The following CASTOR2 variants were observed in gnomAD, a reference collection of about 807,000 sequenced individuals.
CASTOR2 encodes the protein GATS protein like 2.
CASTOR2 carries 8 observed loss-of-function variants against 31.2 expected under a neutral mutation model. The ratio of observed to expected loss-of-function variants is 0.26; its 90% confidence interval spans 0.15 to 0.46. The LOEUF (loss-of-function observed/expected upper bound fraction) is 0.46. CASTOR2 is among the 20% of genes least tolerant of loss of function. CASTOR2 has a pLI of 0.99. For synonymous variants in CASTOR2, 162 were observed against 158.7 expected, an observed-to-expected ratio of 1.02 and a Z score of -0.16; for missense variants, 216 against 382.1, an observed-to-expected ratio of 0.57 and a Z score of 3.62.
chr7:75,006,593 A>G (rs1179215356), intron 1 of CASTOR2, among the ~76,000 whole-genome samples: 5 of 152,092 alleles, frequency 3.3e-5, no homozygotes, highest in Admixed American at 2.0e-4. Flanking sequence ...GCCTGGTGAT[A>G]TGGTTTGGCT....
At chr7:74,992,755 C>T (rs1804241520) in intron 1 of CASTOR2, among the ~76,000 whole-genome samples, 1 of 150,846 alleles carries the variant, frequency 6.6e-6, no homozygotes, top group Admixed American at 6.6e-5. Context: ...TTTTTTAAAT[C>T]AGCCTGGTAT....
intron 1 of CASTOR2, among the ~76,000 whole-genome samples, chr7:74,992,508 C>T (rs1486606770): frequency 6.6e-5 from 10 of 152,136 alleles, no homozygotes; most frequent in East Asian, 3.9e-4. Context: ...GGCATGATCT[C>T]GGCTCACTGC....
At chr7:75,012,885 C>T (rs1554439613) in intron 2 of CASTOR2, among the ~76,000 whole-genome samples, 4 of 152,008 alleles carry the variant, frequency 2.6e-5, no homozygotes, top group South Asian at 2.1e-4. Flanking sequence ...GTGATCCACC[C>T]GCCTCAGCCT....
intron 3 of CASTOR2, 38 bp downstream of exon 3, chr7:75,017,829 G>GCCCGCCACTGACACACTCACT: frequency 6.2e-7 from 1 of 1,613,354 alleles, no homozygotes; most frequent in East Asian, 2.2e-5. Flanking sequence ...GCACACTCAT[G>GCCCGCCACTGACACACTCACT]CCCGCCTCTG....
chr7:75,003,838 G>A (rs1376401277), intron 1 of CASTOR2, among the ~76,000 whole-genome samples: 7 of 152,006 alleles, frequency 4.6e-5, no homozygotes, highest in Admixed American at 3.3e-4. Flanking sequence ...CCAGAGCAAC[G>A]GCAGCCGGTG....
intron 1 of CASTOR2, among the ~76,000 whole-genome samples, chr7:74,989,128 T>G (rs1554437048): frequency 1.3e-5 from 2 of 151,756 alleles, no homozygotes. Flanking sequence ...GCCCGGCTAA[T>G]TTTTTTGTAT....
At chr7:74,983,756 C>T (rs1473136065) in intron 1 of CASTOR2, among the ~76,000 whole-genome samples, 20 of 150,130 alleles carry the variant, frequency 1.3e-4, no homozygotes, top group Admixed American at 2.7e-4. Context: ...CTCTGCTGTT[C>T]CTACCACATA....
At chr7:74,965,989 T>C (rs1803571247) in intron 1 of CASTOR2, among the ~76,000 whole-genome samples, 1 of 10,882 alleles carries the variant, frequency 9.2e-5, no homozygotes, top group Admixed American at 1.3e-3. Context: ...GGTTTTGTTG[T>C]TGTTGTTTAA....
chr7:75,005,948 G>A (rs2131943193), intron 1 of CASTOR2, among the ~76,000 whole-genome samples: 1 of 152,330 alleles, frequency 6.6e-6, no homozygotes, highest in African/African-American at 2.4e-5. Flanking sequence ...TGGCCAACAT[G>A]GAGAAACCTT....
intron 1 of CASTOR2, among the ~76,000 whole-genome samples, chr7:74,965,880 ACACTCTCT>A (rs1450443674): frequency 3.3e-4 from 7 of 21,462 alleles, no homozygotes; most frequent in Non-Finnish European, 2.4e-4. Flanking sequence ...ACACACACAC[ACACTCTCT>A]CTCTCTCTCT....
Position 75,027,974 on chromosome 7 carries a change from C to T in CASTOR2, c.*3275C>T. On this transcript the variant is annotated 3_prime_UTR_variant, in exon 9 of 9. Transcript: ENST00000616305. ...GAGGGGCATGTGTTTCTCAGAGGGG[C>T]TCCATCCGCAGTTGCATGGAACTCC... 2.0e-6 allele frequency: 3 copies of T among 1,506,394 alleles called. No individual in the cohort carries two copies. The South Asian group carries it at 3.6e-5, about 18-fold the overall frequency. The allele number at this position is 1,506,394 out of a possible 1,614,324, so 93.3% of individuals were successfully genotyped here. A position where few individuals can be genotyped will look rare whatever the true frequency, so the allele number is the denominator to read the frequency against.
At chr7:75,009,502 T>C (rs1263622949) in intron 2 of CASTOR2, among the ~76,000 whole-genome samples, 10 of 151,686 alleles carry the variant, frequency 6.6e-5, no homozygotes, top group African/African-American at 2.4e-4. Context: ...TCTCCTGACC[T>C]CGTGATCCAC....
intron 1 of CASTOR2, among the ~76,000 whole-genome samples, chr7:74,992,146 CAGG>C (rs1554437401): frequency 2.6e-5 from 4 of 152,014 alleles, no homozygotes; most frequent in African/African-American, 9.7e-5. Context: ...GGGTGGGGCT[CAGG>C]GGGATGGGTC....
At chr7:75,001,566 G>C (rs1245928770) in intron 1 of CASTOR2, among the ~76,000 whole-genome samples, 4 of 152,220 alleles carry the variant, frequency 2.6e-5, no homozygotes, top group South Asian at 2.1e-4. Flanking sequence ...GGAGACCTTA[G>C]CTTCTCCAAG....
chr7:74,993,984 G>C (rs1804276605), intron 1 of CASTOR2, among the ~76,000 whole-genome samples: 1 of 152,164 alleles, frequency 6.6e-6, no homozygotes, highest in South Asian at 2.1e-4. Context: ...ACTCTGGCTG[G>C]GCCAGGGCTC....
chr7:75,019,579 A>G (rs1284774159), intron 5 of CASTOR2, among the ~76,000 whole-genome samples: 1 of 152,004 alleles, frequency 6.6e-6, no homozygotes, highest in East Asian at 1.9e-4. Flanking sequence ...CGCCCCAAAG[A>G]CTCATTGGGA....
At chr7:74,989,246 G>C (rs1183358063) in intron 1 of CASTOR2, among the ~76,000 whole-genome samples, 1 of 145,340 alleles carries the variant, frequency 6.9e-6, no homozygotes, top group Non-Finnish European at 1.5e-5. Context: ...TTACAGGCGT[G>C]AGCCACCACG....
chr7:75,011,988 CAA>C (rs1208462712), intron 2 of CASTOR2, among the ~76,000 whole-genome samples: 5 of 150,532 alleles, frequency 3.3e-5, no homozygotes, highest in Admixed American at 2.0e-4. Context: ...AAAAAAAAAA[CAA>C]GAGTAAAGAC....
intron 1 of CASTOR2, among the ~76,000 whole-genome samples, chr7:74,996,345 G>T (rs1247846307): frequency 1.3e-5 from 2 of 152,092 alleles, no homozygotes; most frequent in Non-Finnish European, 2.9e-5. Flanking sequence ...GGGCCACTCC[G>T]AGAGTTACCA....
Sources: gnomAD v4.1 joint callset for allele counts (sites outside exome capture counted in the v4.1 genomes callset) on GRCh38, gnomAD v4.1.1 for gene constraint, MANE v1.5 for transcripts, NCBI Gene and HGNC (gene_info 2026-07-23, HGNC 2026-07-21) for gene names.